Variants in LRP1B observed in about 807,000 individuals in gnomAD.
LRP1B encodes the protein low-density lipoprotein receptor-related protein 1B.
Under a neutral mutation model 556.6 loss-of-function variants are expected in LRP1B, and 217 were observed. The observed-to-expected ratio is 0.39, with a 90% confidence interval of 0.35 to 0.44. LRP1B has a LOEUF of 0.44. Ranked by LOEUF, LRP1B falls within the 20% of genes least tolerant of loss-of-function variation. LRP1B has a pLI of 1.00. For synonymous variants in LRP1B, 2,047 were observed against 1,865.8 expected, an observed-to-expected ratio of 1.10 and a Z score of -2.50; for missense variants, 5,053 against 5,620.8, an observed-to-expected ratio of 0.90 and a Z score of 3.23.
At chr2:141,659,502 G>A (rs972362246) in intron 2 of LRP1B, among the ~76,000 whole-genome samples, 8 of 152,056 alleles carry the variant, frequency 5.3e-5, no homozygotes, top group Non-Finnish European at 8.8e-5. Context: ...TGAAGAAAAG[G>A]AAACAATCAA....
At chr2:141,159,672 AG>A (rs1187561591) in intron 7 of LRP1B, among the ~76,000 whole-genome samples, 2 of 152,224 alleles carry the variant, frequency 1.3e-5, no homozygotes, top group African/African-American at 4.8e-5. Context: ...ATGCTTAAAA[AG>A]TACAAGTTCT....
intron 10 of LRP1B, 113 bp downstream of exon 10, chr2:141,055,003 A>T (rs1699137625): frequency 1.7e-6 from 2 of 1,177,476 alleles, no homozygotes; most frequent in Non-Finnish European, 2.4e-6. Context: ...TTTGCAGGCA[A>T]ACTTCACCTG....
At chr2:140,370,945 T>C in intron 70 of LRP1B, 103 bp from the exon 71 acceptor site, 1 of 1,236,574 alleles carries the variant, frequency 8.1e-7, no homozygotes, top group Non-Finnish European at 1.1e-6. Flanking sequence ...TATTATACCA[T>C]GGGCTTTCTT....
chr2:141,010,464 T>C (rs1483862033), intron 14 of LRP1B, among the ~76,000 whole-genome samples: 2 of 152,058 alleles, frequency 1.3e-5, no homozygotes, highest in South Asian at 2.1e-4. Flanking sequence ...TAATATGTTA[T>C]CTATTTATAT....
At chr2:140,636,608 A>C (rs534288234) in intron 41 of LRP1B, among the ~76,000 whole-genome samples, 2 of 152,172 alleles carry the variant, frequency 1.3e-5, no homozygotes, top group African/African-American at 4.8e-5. Flanking sequence ...TTGTACTTAC[A>C]TATTTTAAAA....
At chr2:141,613,092 G>C (rs1009495978) in intron 2 of LRP1B, among the ~76,000 whole-genome samples, 2 of 152,120 alleles carry the variant, frequency 1.3e-5, no homozygotes, top group African/African-American at 2.4e-5. Flanking sequence ...ATAGGCATGA[G>C]CCACCGCACC....
chr2:140,233,426 T>C (rs1159392255), intron 90 of LRP1B, 100 bp from the exon 91 acceptor site: 3 of 697,958 alleles, frequency 4.3e-6, no homozygotes, highest in Middle Eastern at 4.2e-4. Context: ...ACAATATTTA[T>C]ATGCAATACA....
At chr2:140,760,989 T>G (rs1688901808) in intron 35 of LRP1B, among the ~76,000 whole-genome samples, 1 of 152,210 alleles carries the variant, frequency 6.6e-6, no homozygotes. Flanking sequence ...CTCAACTTAC[T>G]CTAGAATGGC....
At chr2:141,620,169 T>C (rs1043505401) in intron 2 of LRP1B, among the ~76,000 whole-genome samples, 1 of 152,168 alleles carries the variant, frequency 6.6e-6, no homozygotes, top group East Asian at 1.9e-4. Context: ...CTCAGGCTGG[T>C]TTTGAACTCA....
At chr2:140,768,647 A>G (rs1689197728) in intron 35 of LRP1B, among the ~76,000 whole-genome samples, 1 of 151,998 alleles carries the variant, frequency 6.6e-6, no homozygotes, top group South Asian at 2.1e-4. Context: ...GCAAAATGTT[A>G]GTGTCCGCTT....
At chr2:140,614,916 C>T (rs752201578) in intron 41 of LRP1B, among the ~76,000 whole-genome samples, 10 of 152,158 alleles carry the variant, frequency 6.6e-5, no homozygotes, top group Non-Finnish European at 1.2e-4. Flanking sequence ...CTTGTAACCT[C>T]CAAGCTGCCA....
At position 140,443,596 on chromosome 2, in the gene LRP1B, G is replaced by C. The variant is rs899324243; in HGVS notation, c.10294+734C>G. Among the ~76,000 whole-genome samples, 11 of 152,322 alleles carry C rather than the reference G, an allele frequency of 7.2e-5. No individual in the cohort carries two copies. In the Middle Eastern group the frequency reaches 0.01, roughly 141 times the overall value. On this transcript the variant is annotated intron_variant, in intron 65 of 90. Transcript: ENST00000389484. ...AAACAGAAATGTTGACAGCGGTTCTGTTGAAACCCTGAAACTTGACAGGTG... is the reference window on the plus strand; with the variant it reads ...AAACAGAAATGTTGACAGCGGTTCTCTTGAAACCCTGAAACTTGACAGGTG...
chr2:142,052,610 C>T (rs1462597533), intron 1 of LRP1B, among the ~76,000 whole-genome samples: 2 of 152,146 alleles, frequency 1.3e-5, no homozygotes, highest in Non-Finnish European at 2.9e-5. Context: ...CTCCCCCTCA[C>T]GTGTAATGGC....
intron 5 of LRP1B, among the ~76,000 whole-genome samples, chr2:141,241,903 T>G (rs1683892012): frequency 6.6e-6 from 1 of 151,732 alleles, no homozygotes; most frequent in African/African-American, 2.4e-5. Flanking sequence ...TAATAACTTA[T>G]GCAGGAATTA....
At chr2:142,004,652 C>T (rs1031758213) in intron 1 of LRP1B, among the ~76,000 whole-genome samples, 1 of 152,008 alleles carries the variant, frequency 6.6e-6, no homozygotes, top group African/African-American at 2.4e-5. Flanking sequence ...TCAAGACCAG[C>T]CTGGCCAACA....
intron 7 of LRP1B, among the ~76,000 whole-genome samples, chr2:141,113,311 T>C (rs1345222379): frequency 6.6e-6 from 1 of 152,112 alleles, no homozygotes; most frequent in African/African-American, 2.4e-5. Context: ...AAAAAGACTA[T>C]GGGTGTTTCT....
chr2:140,839,147 T>C lies in LRP1B; in HGVS notation c.5209+844A>G, dbSNP rs532540367. Among the ~76,000 whole-genome samples the C allele has an allele frequency of 8.5e-5, 13 of 152,340 alleles. No individual in the cohort carries two copies. In the East Asian group the frequency reaches 2.5e-3, roughly 29 times the overall value. On this transcript the variant is annotated intron_variant, in intron 31 of 90. Coordinates refer to ENST00000389484, the MANE Select transcript of LRP1B (RefSeq NM_018557.3). Reference sequence around the variant, plus strand: ...AAAGACTCAGTAGTTATACTGCCACTGTAGCATTGTATCAGATATTTCACC... The same window carrying C: ...AAAGACTCAGTAGTTATACTGCCACCGTAGCATTGTATCAGATATTTCACC...
rs187157893 is a variant in LRP1B at position 140,951,909 on chromosome 2, G to T, written c.2919C>A (p.Phe973Leu). ...TAATGCATCTTCCACTTTTGCATAC[G>T]AATTGGGTTAGTGGCTCACAAGTTG... ...EFPTCEPLTQ[F>L]VCKSGRCISS... Residue 973 changes from phenylalanine (F) to leucine (L), a missense_variant, in exon 19 of 91, where the codon TTC becomes TTA. Physicochemically the swap from Phe to Leu is conservative, Grantham distance 22 (BLOSUM62 0). This residue lies in a region of LRP1B where 3,619 missense variants were observed against 3,931.9 expected (regional missense o/e 0.92). Coordinates refer to ENST00000389484, the MANE Select transcript of LRP1B (RefSeq NM_018557.3). 1.2e-6 allele frequency: 2 copies of T among 1,613,792 alleles called. No homozygotes were observed. Among genetic ancestry groups the T allele is most frequent in the African/African-American group, 2.7e-5 (2 of 74,930 alleles).
Position 140,270,566 on chromosome 2 carries a change from A to G in LRP1B, c.13143-220T>C, listed in dbSNP as rs574766406. ...TCTTCTGATAATTCTCAAATTTTCA[A>G]CCAGTTCATTTAATATAAACATTTT... On this transcript the variant is annotated intron_variant, in intron 85 of 90. Coordinates refer to ENST00000389484, the MANE Select transcript of LRP1B (RefSeq NM_018557.3). Among the ~76,000 whole-genome samples the G allele has an allele frequency of 1.8e-4, 28 of 152,044 alleles. 1 individual carries two copies. In the South Asian group the frequency reaches 2.9e-3, roughly 16 times the overall value.
Sources: allele counts gnomAD v4.1 joint callset (sites outside exome capture counted in the v4.1 genomes callset), GRCh38; gene constraint gnomAD v4.1.1; regional missense constraint gnomAD v4.1.1; transcripts MANE v1.5; gene names NCBI Gene and HGNC (gene_info 2026-07-23, HGNC 2026-07-21).